The following FRMD4B variants were observed in gnomAD, a reference collection of about 807,000 sequenced individuals.
The protein encoded by FRMD4B is FERM domain containing 4B, also known as FERM domain-containing protein 4B.
Under a neutral mutation model 141.5 loss-of-function variants are expected in FRMD4B, and 74 were observed. That is an observed-to-expected ratio of 0.52 (90% CI 0.43 to 0.63). The LOEUF is 0.63. Among genes scored for constraint, FRMD4B ranks in the 30% least tolerant of loss-of-function variants. The pLI is 0.00. For missense variants in FRMD4B, 1,366 were observed against 1,253.4 expected, an observed-to-expected ratio of 1.09 and a Z score of -1.36; for synonymous variants, 506 against 467.9, an observed-to-expected ratio of 1.08 and a Z score of -1.05.
chr3:69,455,258 A>C (rs770742017), intron 1 of FRMD4B, among the ~76,000 whole-genome samples: 1 of 152,244 alleles, frequency 6.6e-6, no homozygotes, highest in African/African-American at 2.4e-5. Context: ...AGGCTGCCAG[A>C]GGCCACAGCA....
chr3:69,175,250 C>T (rs1182265920), intron 22 of FRMD4B, among the ~76,000 whole-genome samples: 1 of 152,150 alleles, frequency 6.6e-6, no homozygotes, highest in South Asian at 2.1e-4. Context: ...ACTACACATT[C>T]TAAAAACAGG....
intron 1 of FRMD4B, among the ~76,000 whole-genome samples, chr3:69,348,013 A>G (rs1703004947): frequency 6.6e-6 from 1 of 152,190 alleles, no homozygotes; most frequent in Non-Finnish European, 1.5e-5. Context: ...AGAGACACTA[A>G]AAACCCTTCA....
intron 7 of FRMD4B, among the ~76,000 whole-genome samples, chr3:69,235,683 A>T (rs1165602866): frequency 6.6e-6 from 1 of 152,054 alleles, no homozygotes; most frequent in Non-Finnish European, 1.5e-5. Context: ...AAAGGAAAAA[A>T]AAAAAGAAAT....
At chr3:69,270,012 CTTCT>C (rs368704995) in intron 5 of FRMD4B, among the ~76,000 whole-genome samples, 24 of 151,438 alleles carry the variant, frequency 1.6e-4, no homozygotes, top group South Asian at 6.3e-4. Context: ...TTCTTTTTCT[CTTCT>C]TTCTTTCTTT....
chr3:69,208,453 G>C (rs992410995), intron 11 of FRMD4B, among the ~76,000 whole-genome samples: 1 of 152,112 alleles, frequency 6.6e-6, no homozygotes, highest in African/African-American at 2.4e-5. Context: ...GCCTACGTCG[G>C]CTTCCCAAAG....
At position 69,193,631 on chromosome 3, in the gene FRMD4B, CCTTA is replaced by C. The variant is rs373168514; in HGVS notation, c.1714+13_1714+16del. 53 of 1,483,012 alleles carry C rather than the reference CCTTA, an allele frequency of 3.6e-5. No homozygotes were observed. The highest frequency in any genetic ancestry group is 3.5e-4 in the Middle Eastern group (2 of 5,776). The allele number at this position is 1,483,012 out of a possible 1,614,324, so 91.9% of individuals were successfully genotyped here. A position where few individuals can be genotyped will look rare whatever the true frequency, so the allele number is the denominator to read the frequency against. On this transcript the variant is annotated intron_variant, in intron 17 of 22. Transcript: ENST00000398540. ...TGAGTAGGGGACTCAAAAAAAAAAA[CCTTA>C]CTTATTACTAACCTGGTAACACTGT...
chr3:69,448,645 G>C (rs924837374), intron 1 of FRMD4B, among the ~76,000 whole-genome samples: 1 of 152,124 alleles, frequency 6.6e-6, no homozygotes, highest in African/African-American at 2.4e-5. Flanking sequence ...ATTTTCGGGG[G>C]CTTATTGCTC....
Position 69,218,352 on chromosome 3 carries a change from C to A in FRMD4B, c.759G>T (p.Pro253=). Residue 253 remains proline (P), a synonymous_variant, in exon 10 of 23, where the codon CCG becomes CCT. Transcript: ENST00000398540. Reference sequence around the variant, plus strand: ...CTGCATAATAATGGACACCGTAAGTCGGTAGAGCTTCTACTATTTTCATAT... The same window carrying A: ...CTGCATAATAATGGACACCGTAAGTAGGTAGAGCTTCTACTATTTTCATAT... The part of the protein sequence containing the change: ...VQYMKIVEAL[P]TYGVHYYAVK... 6.6e-7 allele frequency: 1 copy of A among 1,507,534 alleles called. No individual in the cohort carries two copies. The allele number at this position is 1,507,534 out of a possible 1,614,324, so 93.4% of individuals were successfully genotyped here.
Position 69,196,966 on chromosome 3 carries a change from G to A in FRMD4B, c.1026C>T (p.Leu342=). 6.2e-7 allele frequency: 1 copy of A among 1,607,394 alleles called. No homozygotes were observed. Among genetic ancestry groups the A allele is most frequent in the Non-Finnish European group, 8.5e-7 (1 of 1,173,844 alleles). ...TTGCCATTACCCAAATGGACTTGATGAGAGAAGAGTTAGCATACCATGTTT... is the reference window on the plus strand; with the variant it reads ...TTGCCATTACCCAAATGGACTTGATAAGAGAAGAGTTAGCATACCATGTTT... ...FVQTWYANSS[L]IKSIWVMAIS... The change falls in exon 13 of 23, where the codon CTC becomes CTT. Residue 342 remains leucine (L), a synonymous_variant. Coordinates refer to ENST00000398540, the MANE Select transcript of FRMD4B (RefSeq NM_015123.3).
chr3:69,303,646 G>C (rs745981173), intron 3 of FRMD4B, among the ~76,000 whole-genome samples: 1 of 152,190 alleles, frequency 6.6e-6, no homozygotes, highest in African/African-American at 2.4e-5. Flanking sequence ...CACACAGGCT[G>C]GGTGTGGTGG....
At chr3:69,387,612 T>C (rs1018467722), upstream of FRMD4B, among the ~76,000 whole-genome samples, 6 of 152,206 alleles carry the variant, frequency 3.9e-5, no homozygotes, top group Non-Finnish European at 8.8e-5. Context: ...TCTCCTGAAC[T>C]AGCCCAGAAG....
At chr3:69,253,954 G>A (rs939479701) in intron 5 of FRMD4B, among the ~76,000 whole-genome samples, 1 of 152,042 alleles carries the variant, frequency 6.6e-6, no homozygotes, top group Admixed American at 6.5e-5. Context: ...GGTGGCTCAT[G>A]TCTATATTCC....
chr3:69,355,334 A>C (rs1438379166), intron 1 of FRMD4B, among the ~76,000 whole-genome samples: 1 of 152,168 alleles, frequency 6.6e-6, no homozygotes, highest in Non-Finnish European at 1.5e-5. Context: ...ACATTTCTAA[A>C]ATTTTATATA....
chr3:69,339,552 C>T (rs1328250142), intron 1 of FRMD4B, among the ~76,000 whole-genome samples: 2 of 152,056 alleles, frequency 1.3e-5, no homozygotes, highest in Non-Finnish European at 2.9e-5. Context: ...CTATTAATTA[C>T]CAAACCTGTC....
chr3:69,202,021 T>A (rs1253061061), intron 11 of FRMD4B, among the ~76,000 whole-genome samples: 1 of 152,032 alleles, frequency 6.6e-6, no homozygotes, highest in East Asian at 1.9e-4. Context: ...CTGAACAACA[T>A]GGTGAAACCC....
intron 1 of FRMD4B, among the ~76,000 whole-genome samples, chr3:69,499,242 G>A (rs549554543): frequency 3.3e-5 from 5 of 152,276 alleles, no homozygotes; most frequent in South Asian, 4.1e-4. Flanking sequence ...AGACTCTTTT[G>A]GGCCACAGTA....
At position 69,196,272 on chromosome 3, in the gene FRMD4B, C is replaced by T; in HGVS notation, c.1217G>A (p.Gly406Asp). The change falls in exon 14 of 23, where the codon GGC becomes GAC. Residue 406 changes from glycine to aspartate, a missense_variant. Coordinates refer to ENST00000398540, the MANE Select transcript of FRMD4B (RefSeq NM_015123.3). Reference sequence around the variant, plus strand: ...GATGTTACCTGAGGAGATTAAACTGCCATTACTTGCCATGATGAACTGACT... The same window carrying T: ...GATGTTACCTGAGGAGATTAAACTGTCATTACTTGCCATGATGAACTGACT... The part of the protein sequence containing the change: ...TKSQFIMASN[G>D]SLISSGSQDS... 6.2e-7 allele frequency: 1 copy of T among 1,604,298 alleles called. No individual in the cohort carries two copies. The highest frequency in any genetic ancestry group is 1.1e-5 in the South Asian group (1 of 88,872).
At chr3:69,475,379 C>A (rs549436444) in intron 1 of FRMD4B, among the ~76,000 whole-genome samples, 1 of 151,188 alleles carries the variant, frequency 6.6e-6, no homozygotes, top group African/African-American at 2.4e-5. Context: ...ACAACAGTCC[C>A]CAGAGTGTAA....
rs951837480 is a variant in FRMD4B at position 69,435,869 on chromosome 3, A to G, written c.-128-3108T>C. ...TGCCAACATAGAGCCCAGCAACTACATCATCATGAATATAGCCAGTTTTTC... is the reference window on the plus strand; with the variant it reads ...TGCCAACATAGAGCCCAGCAACTACGTCATCATGAATATAGCCAGTTTTTC... On this transcript the variant is annotated intron_variant, in intron 1 of 5. Coordinates refer to the FRMD4B transcript ENST00000459638. Among the ~76,000 whole-genome samples the G allele has an allele frequency of 3.9e-5, 6 of 152,336 alleles. No individual in the cohort carries two copies. The East Asian group carries it at 1.2e-3, about 29-fold the overall frequency.
Sources: allele counts gnomAD v4.1 joint callset (sites outside exome capture counted in the v4.1 genomes callset), GRCh38; gene constraint gnomAD v4.1.1; transcripts MANE v1.5; gene names NCBI Gene and HGNC (gene_info 2026-07-23, HGNC 2026-07-21).